Variants in FA2H observed in about 807,000 individuals in gnomAD.
The protein encoded by FA2H is fatty acid 2-hydroxylase.
Under a neutral mutation model 44.9 loss-of-function variants are expected in FA2H, and 22 were observed. The ratio of observed to expected loss-of-function variants is 0.49; its 90% CI spans 0.35 to 0.70. The LOEUF (loss-of-function observed/expected upper bound fraction) is 0.70, where lower values mean the gene tolerates loss of function less well. Ranked by LOEUF, FA2H falls within the 30% of genes least tolerant of loss-of-function variation. The pLI is 0.01. For synonymous variants in FA2H, 243 were observed against 213.2 expected (o/e 1.14, Z -1.22); for missense variants, 501 against 504.9 (o/e 0.99, Z 0.07).
chr16:74,769,869 G>A (rs533106215), intron 1 of FA2H, among the ~76,000 whole-genome samples: 4 of 152,344 alleles, frequency 2.6e-5, no homozygotes, highest in Admixed American at 1.3e-4. Context: ...CGCTCAAGGT[G>A]GGCAGCTTGG....
At chr16:74,748,141 C>A (rs1962460139) in intron 1 of FA2H, among the ~76,000 whole-genome samples, 1 of 152,188 alleles carries the variant, frequency 6.6e-6, no homozygotes, top group South Asian at 2.1e-4. Flanking sequence ...GTTCCTAGCC[C>A]ACTGCTGCCC....
chr16:74,766,715 C>A (rs1220288878), intron 1 of FA2H, among the ~76,000 whole-genome samples: 1 of 152,178 alleles, frequency 6.6e-6, no homozygotes, highest in East Asian at 1.9e-4. Context: ...TCCCCATTTT[C>A]TCCCTCTGCC....
intron 4 of FA2H, among the ~76,000 whole-genome samples, chr16:74,724,415 C>T (rs1485643994): frequency 6.6e-6 from 1 of 152,154 alleles, no homozygotes; most frequent in Non-Finnish European, 1.5e-5. Flanking sequence ...GTCTCCTCAG[C>T]TTTTGAAAGC....
intron 6 of FA2H, 22 bp downstream of exon 6, chr16:74,716,325 G>C (rs1162782764): frequency 6.2e-7 from 1 of 1,612,106 alleles, no homozygotes; most frequent in East Asian, 2.2e-5. Flanking sequence ...TAGGGGGCTG[G>C]GAAGCACAGG....
At chr16:74,718,902 C>T in intron 5 of FA2H, 86 bp downstream of exon 5, 2 of 1,481,632 alleles carry the variant, frequency 1.3e-6, no homozygotes, top group East Asian at 2.3e-5. Context: ...TCCCAGGAGG[C>T]TCCGCAGCAC....
chr16:74,737,960 C>T (rs949967096), intron 2 of FA2H, among the ~76,000 whole-genome samples: 2 of 152,154 alleles, frequency 1.3e-5, no homozygotes, highest in African/African-American at 2.4e-5. Flanking sequence ...GTGAGGTGAA[C>T]GAGGCAGCAG....
chr16:74,741,520 T>G (rs1041174033), intron 1 of FA2H, among the ~76,000 whole-genome samples: 5 of 152,070 alleles, frequency 3.3e-5, no homozygotes, highest in Admixed American at 1.3e-4. Flanking sequence ...TCACCCAGGC[T>G]GGGGTGCAAC....
chr16:74,768,563 G>A (rs1394567004), intron 1 of FA2H, among the ~76,000 whole-genome samples: 5 of 152,144 alleles, frequency 3.3e-5, no homozygotes, highest in Admixed American at 6.5e-5. Context: ...TCGACTTCTC[G>A]GCTCTACTCT....
Position 74,726,248 on chromosome 16 carries a change from C to G in FA2H, c.590G>C (p.Arg197Pro). Residue 197 changes from arginine (R) to proline (P), a missense_variant, in exon 4 of 7, where the codon CGA becomes CCA. Physicochemically the swap from Arg to Pro is moderately radical, Grantham distance 103 (BLOSUM62 -2). Coordinates refer to ENST00000219368, the MANE Select transcript of FA2H (RefSeq NM_024306.5). ...ACCTGTTGTAAATGACGTGAAGAGT[C>G]GGACGTTGCCCTGGGCAAAGGTTCG... ...YYRTFAQGNV[R>P]LFTSFTTEYT... 6.2e-7 allele frequency: 1 copy of G among 1,613,618 alleles called. No homozygotes were observed. The highest frequency in any genetic ancestry group is 8.5e-7 in the Non-Finnish European group (1 of 1,179,626).
intron 2 of FA2H, 27 bp from the exon 3 acceptor site, chr16:74,727,413 T>C: frequency 6.2e-7 from 1 of 1,613,190 alleles, no homozygotes; most frequent in Non-Finnish European, 8.5e-7. Context: ...CAAGTGGACG[T>C]TTGATATTCA....
intron 1 of FA2H, among the ~76,000 whole-genome samples, chr16:74,748,508 G>C (rs972248645): frequency 3.0e-4 from 46 of 152,200 alleles, no homozygotes; most frequent in African/African-American, 1.0e-3. Context: ...GGCGGGGGGA[G>C]CACACAGCAG....
chr16:74,727,578 T>C (rs190873299), intron 2 of FA2H, among the ~76,000 whole-genome samples, 192 bp from the exon 3 acceptor site: 155 of 152,284 alleles, frequency 1.0e-3, no homozygotes, highest in Non-Finnish European at 1.7e-3. Flanking sequence ...GCCACAGCAA[T>C]AGGATCCGGT....
rs906360296 is a variant in FA2H at position 74,714,247 on chromosome 16, C to T, written c.1062G>A (p.Leu354=). ...QKSGFGISTK[L]WDYCFHTLTP... is the part of the protein sequence containing the mutation. ...TGAGGGTGTGGAAACAGTAATCCCACAATTTAGTGCTGATACCAAATCCTA... is the reference window on the plus strand; with the variant it reads ...TGAGGGTGTGGAAACAGTAATCCCATAATTTAGTGCTGATACCAAATCCTA... Residue 354 remains leucine (L), a synonymous_variant, in exon 7 of 7, where the codon TTG becomes TTA. Coordinates refer to ENST00000219368, the MANE Select transcript of FA2H (RefSeq NM_024306.5). The T allele has an allele frequency of 1.9e-6, 3 of 1,562,440 alleles. No homozygotes were observed. Among genetic ancestry groups the T allele is most frequent in the East Asian group, 2.4e-5 (1 of 41,872 alleles).
At chr16:74,764,557 G>A (rs550991520) in intron 1 of FA2H, among the ~76,000 whole-genome samples, 1 of 152,272 alleles carries the variant, frequency 6.6e-6, no homozygotes, top group Admixed American at 6.5e-5. Context: ...ACAGATACCT[G>A]AGGCCTCCAC....
At chr16:74,732,324 CA>C (rs780716223) in intron 2 of FA2H, among the ~76,000 whole-genome samples, 8 of 152,214 alleles carry the variant, frequency 5.3e-5, no homozygotes, top group Admixed American at 2.6e-4. Context: ...GGGATGTGGC[CA>C]GGGGGCCCCT....
chr16:74,748,440 A>T (rs1045959688), intron 1 of FA2H, among the ~76,000 whole-genome samples: 1 of 152,138 alleles, frequency 6.6e-6, no homozygotes, highest in African/African-American at 2.4e-5. Flanking sequence ...CACGGGGGAA[A>T]CTGAGGCACA....
intron 1 of FA2H, among the ~76,000 whole-genome samples, chr16:74,754,016 T>A (rs766161782): frequency 1.3e-4 from 20 of 152,206 alleles, no homozygotes; most frequent in Non-Finnish European, 2.6e-4. Context: ...CTTGGAGTCA[T>A]TTTTCTTCAA....
intron 2 of FA2H, among the ~76,000 whole-genome samples, chr16:74,730,601 G>A (rs1962053880): frequency 6.6e-6 from 1 of 152,100 alleles, no homozygotes; most frequent in South Asian, 2.1e-4. Flanking sequence ...TCAGGAAAAA[G>A]AACTGGAGGA....
At chr16:74,772,753 G>C (rs1027812865) in intron 1 of FA2H, among the ~76,000 whole-genome samples, 1 of 152,070 alleles carries the variant, frequency 6.6e-6, no homozygotes, top group East Asian at 1.9e-4. Context: ...GTCAACCTGG[G>C]TCCAAAAACA....
Sources: gnomAD v4.1 joint callset for allele counts (sites outside exome capture counted in the v4.1 genomes callset) on GRCh38, gnomAD v4.1.1 for gene constraint, MANE v1.5 for transcripts, NCBI Gene and HGNC (gene_info 2026-07-23, HGNC 2026-07-21) for gene names.